The following PTK2 variants were observed in gnomAD, a reference collection of about 807,000 sequenced individuals.
PTK2 encodes the protein protein tyrosine kinase 2.
PTK2 carries 45 observed loss-of-function variants against 150.1 expected under a neutral mutation model. The observed-to-expected ratio is 0.30, with a 90% CI of 0.24 to 0.38. The LOEUF (loss-of-function observed/expected upper bound fraction) is 0.38, where lower values mean the gene tolerates loss of function less well. Among genes scored for constraint, PTK2 ranks in the 10% least tolerant of loss-of-function variants. The probability of loss-of-function intolerance (pLI) is 1.00; values close to 1 mark genes in which losing one functional copy is unlikely to be tolerated. For missense variants in PTK2, 919 were observed against 1,307.3 expected, an observed-to-expected ratio of 0.70 and a Z score of 4.58; for synonymous variants, 432 against 449.2, an observed-to-expected ratio of 0.96 and a Z score of 0.48.
intron 7 of PTK2, among the ~76,000 whole-genome samples, chr8:140,832,243 T>TG (rs1455932472): frequency 8.5e-5 from 13 of 152,124 alleles, no homozygotes; most frequent in African/African-American, 2.2e-4. Flanking sequence ...TTAGTAGAGA[T>TG]GGGGTCTCAC....
In PTK2 at chr8:140,889,460, C is replaced by T. The variant is rs377126464; in HGVS notation, c.195+1083G>A. On this transcript the variant is annotated intron_variant, in intron 3 of 31. Transcript: ENST00000522684. Reference sequence around the variant, plus strand: ...GCCAGGCTGCTCTCAAACTCCTGACCTCAAGTGACCTGCCCACCTTGGCCT... The same window carrying T: ...GCCAGGCTGCTCTCAAACTCCTGACTTCAAGTGACCTGCCCACCTTGGCCT... 2.0e-5 allele frequency among the ~76,000 whole-genome samples: 3 copies of T among 152,182 alleles called. No homozygotes were observed. In the East Asian group the frequency reaches 5.8e-4, roughly 29 times the overall value.
chr8:140,935,142 TATAA>T (rs2100173187), intron 1 of PTK2, among the ~76,000 whole-genome samples: 1 of 152,158 alleles, frequency 6.6e-6, no homozygotes, highest in Admixed American at 6.6e-5. Context: ...TTCAACAACA[TATAA>T]ATGTTTATTT....
At chr8:140,789,603 A>T in intron 13 of PTK2, 77 bp from the exon 14 acceptor site, 5 of 1,446,912 alleles carry the variant, frequency 3.5e-6, no homozygotes, top group Non-Finnish European at 4.8e-6. Flanking sequence ...CAAGTGGGGA[A>T]CTGCCTTGGA....
chr8:140,959,794 A>C (rs1425969019), intron 1 of PTK2, among the ~76,000 whole-genome samples: 1 of 151,452 alleles, frequency 6.6e-6, no homozygotes, highest in Non-Finnish European at 1.5e-5. Context: ...GGAGTTCAAG[A>C]CCAGCCTGGG....
At chr8:140,803,773 G>C in intron 10 of PTK2, 123 bp from the exon 11 acceptor site, 1 of 827,790 alleles carries the variant, frequency 1.2e-6, no homozygotes, top group Non-Finnish European at 1.9e-6. Context: ...GAGGTCTGGG[G>C]AAAAAAACAG....
intron 18 of PTK2, 41 bp downstream of exon 21, chr8:140,746,719 A>C: frequency 6.9e-7 from 1 of 1,451,244 alleles, no homozygotes; most frequent in Non-Finnish European, 9.5e-7. Flanking sequence ...AAAAGATATC[A>C]AACGCTGAGT....
Position 140,669,721 on chromosome 8 carries a change from G to A in PTK2, c.2710-1297C>T, listed in dbSNP as rs1427716928. On this transcript the variant is annotated intron_variant, in intron 29 of 31. Transcript: ENST00000522684. ...GGACAGACACACAAAGACACGATGT[G>A]CTTACCCTCCATGGCTATTGTCGAA... is the stretch of plus-strand genomic sequence containing the variant. 3 of 1,533,898 alleles carry A rather than the reference G, an allele frequency of 2.0e-6. No homozygotes were observed. The highest frequency in any genetic ancestry group is 2.6e-6 in the Non-Finnish European group (3 of 1,145,008).
chr8:140,660,378 C>G (rs143255562), intron 31 of PTK2, among the ~76,000 whole-genome samples: 39 of 152,318 alleles, frequency 2.6e-4, no homozygotes, highest in Middle Eastern at 6.8e-3. Context: ...CTTATGCTTT[C>G]TACTATGCCA....
chr8:140,879,692 A>AAAAAAAAAAAAAAC, intron 3 of PTK2, 55 bp from the exon 4 acceptor site: 1 of 1,270,134 alleles, frequency 7.9e-7, no homozygotes, highest in Non-Finnish European at 1.0e-6. Flanking sequence ...AAAAAAAAAA[A>AAAAAAAAAAAAAAC]AAAAAAAAAC....
intron 2 of PTK2, 189 bp downstream of exon 2, chr8:140,925,472 G>A (rs556528513): frequency 8.7e-5 from 17 of 194,816 alleles, no homozygotes; most frequent in Non-Finnish European, 1.5e-4. Context: ...TTTCCACCAC[G>A]AAAACAATTT....
At chr8:140,788,836 T>G (rs1482669171) in intron 14 of PTK2, among the ~76,000 whole-genome samples, 1 of 152,146 alleles carries the variant, frequency 6.6e-6, no homozygotes, top group Non-Finnish European at 1.5e-5. Flanking sequence ...CGTATGTATA[T>G]ATGTGCATAT....
chr8:140,830,771 C>CT (rs1368377188), intron 7 of PTK2, among the ~76,000 whole-genome samples: 1 of 152,034 alleles, frequency 6.6e-6, no homozygotes, highest in Non-Finnish European at 1.5e-5. Context: ...TTGGTTTTTT[C>CT]TTTTTTTACC....
intron 2 of PTK2, among the ~76,000 whole-genome samples, chr8:140,900,661 G>A (rs1054121791): frequency 2.6e-5 from 4 of 151,988 alleles, no homozygotes; most frequent in Non-Finnish European, 5.9e-5. Context: ...GGTGGGGGAT[G>A]CAGTGAGCCG....
At position 140,676,943 on chromosome 8, in the gene PTK2, C is replaced by CAA. The variant is rs71320398; in HGVS notation, c.2563-1446_2563-1445dup. On this transcript the variant is annotated intron_variant, in intron 27 of 31. Coordinates refer to ENST00000522684, the Ensembl canonical transcript of PTK2. ...GCAACAACAGAGGGAGACTCCATCTCAAAAAAAAAAAAAAAAAAAATGACT... is the reference window on the plus strand; with the variant it reads ...GCAACAACAGAGGGAGACTCCATCTCAAAAAAAAAAAAAAAAAAAAAATGACT... 6.1e-3 allele frequency among the ~76,000 whole-genome samples: 524 copies of CAA among 85,780 alleles called. 2 individuals carry two copies. The highest frequency in any genetic ancestry group is 0.015 in the African/African-American group (332 of 22,324). The allele number at this position is 85,780 out of a possible 152,430, so 56.3% of individuals were successfully genotyped here. A position where few individuals can be genotyped will look rare whatever the true frequency, so the allele number is the denominator to read the frequency against.
chr8:140,693,280 G>A (rs986018047), intron 26 of PTK2, among the ~76,000 whole-genome samples: 1 of 152,076 alleles, frequency 6.6e-6, no homozygotes, highest in South Asian at 2.1e-4. Context: ...GGGGCCAGGC[G>A]TGGTGACTCA....
chr8:140,667,067 C>A (rs138262234), intron 30 of PTK2, among the ~76,000 whole-genome samples: 1 of 152,130 alleles, frequency 6.6e-6, no homozygotes, highest in East Asian at 1.9e-4. Flanking sequence ...CTAGGGTAGT[C>A]AATTCATAGA....
chr8:140,874,610 C>G (rs1599883036), intron 4 of PTK2, among the ~76,000 whole-genome samples: 1 of 152,020 alleles, frequency 6.6e-6, no homozygotes, highest in East Asian at 1.9e-4. Flanking sequence ...CATATGATCT[C>G]CAGGAAAAGT....
At chr8:140,739,101 T>C in exon 21 of PTK2, 1 of 1,544,778 alleles carries the variant, frequency 6.5e-7, no homozygotes, top group Non-Finnish European at 8.8e-7. Flanking sequence ...CAATTTTCCT[T>C]TGGAAGCTAG....
intron 5 of PTK2, among the ~76,000 whole-genome samples, chr8:140,860,970 AG>A: frequency 6.6e-6 from 1 of 152,376 alleles, no homozygotes; most frequent in South Asian, 2.1e-4. Context: ...CTATTACAAA[AG>A]GATACACAAA....
Sources: gnomAD v4.1 joint callset for allele counts (sites outside exome capture counted in the v4.1 genomes callset) on GRCh38, gnomAD v4.1.1 for gene constraint, MANE v1.5 for transcripts, NCBI Gene and HGNC (gene_info 2026-07-23, HGNC 2026-07-21) for gene names.